PSD3: variants seen among roughly 807,000 people sequenced by gnomAD.
PSD3 encodes PH and SEC7 domain-containing protein 3.
PSD3 carries 49 observed loss-of-function variants against 105.5 expected under a neutral mutation model. The observed-to-expected ratio is 0.46, with a 90% CI of 0.37 to 0.59. The LOEUF (loss-of-function observed/expected upper bound fraction) is 0.59. PSD3 is among the 20% of genes least tolerant of loss of function. The pLI is 0.00. For missense variants in PSD3, 1,561 were observed against 1,263.8 expected, an observed-to-expected ratio of 1.24 and a Z score of -3.57; for synonymous variants, 557 against 457.8, an observed-to-expected ratio of 1.22 and a Z score of -2.77.
At chr8:18,951,035 T>C (rs1301691529) in intron 1 of PSD3, among the ~76,000 whole-genome samples, 1 of 152,204 alleles carries the variant, frequency 6.6e-6, no homozygotes, top group Non-Finnish European at 1.5e-5. Flanking sequence ...GACTCCTCCA[T>C]GTGATTCTTA....
At chr8:18,581,178 C>G (rs1202098461) in intron 12 of PSD3, among the ~76,000 whole-genome samples, 2 of 152,154 alleles carry the variant, frequency 1.3e-5, no homozygotes, top group African/African-American at 4.8e-5. Flanking sequence ...GATGGATCAT[C>G]AGAACCAACA....
intron 15 of PSD3, 80 bp from the exon 16 acceptor site, chr8:18,536,038 C>G (rs572318889): frequency 7.4e-7 from 1 of 1,353,726 alleles, no homozygotes; most frequent in South Asian, 1.2e-5. Context: ...GTATTACCCA[C>G]CTGGAGAGTG....
At chr8:18,683,381 A>G (rs1800489497) in intron 9 of PSD3, among the ~76,000 whole-genome samples, 1 of 152,228 alleles carries the variant, frequency 6.6e-6, no homozygotes. Flanking sequence ...GAACTAACTG[A>G]AAGATAAAAT....
intron 2 of PSD3, among the ~76,000 whole-genome samples, chr8:18,922,786 G>A (rs1253504190): frequency 6.6e-6 from 1 of 152,106 alleles, no homozygotes; most frequent in Non-Finnish European, 1.5e-5. Context: ...AGAACACAGG[G>A]AACCACTTAT....
chr8:18,640,044 A>G (rs566467298), intron 10 of PSD3, among the ~76,000 whole-genome samples: 1 of 152,310 alleles, frequency 6.6e-6, no homozygotes, highest in African/African-American at 2.4e-5. Flanking sequence ...CAGGATGAGT[A>G]GAAAGGTCTC....
intron 1 of PSD3, among the ~76,000 whole-genome samples, chr8:19,073,458 C>G (rs1829338619): frequency 7.0e-6 from 1 of 142,416 alleles, no homozygotes; most frequent in Non-Finnish European, 1.5e-5. Flanking sequence ...GGCTGAGGAA[C>G]AAGAATCGCT....
intron 9 of PSD3, among the ~76,000 whole-genome samples, chr8:18,763,259 A>T (rs1585880773): frequency 6.6e-6 from 1 of 152,358 alleles, no homozygotes; most frequent in East Asian, 1.9e-4. Context: ...CAGTTTCTAT[A>T]TATGATTATG....
At chr8:19,082,109 T>C (rs1052588144) in intron 1 of PSD3, among the ~76,000 whole-genome samples, 1 of 152,244 alleles carries the variant, frequency 6.6e-6, no homozygotes, top group Non-Finnish European at 1.5e-5. Context: ...CAAGTCTAGA[T>C]AGCACCTTAA....
intron 1 of PSD3, among the ~76,000 whole-genome samples, chr8:18,957,421 C>T (rs1363190533): frequency 1.3e-5 from 2 of 151,272 alleles, no homozygotes; most frequent in Non-Finnish European, 2.9e-5. Context: ...AGTGACTGTA[C>T]AATGTGAGCA....
At chr8:18,968,168 C>A (rs1221412141) in intron 1 of PSD3, among the ~76,000 whole-genome samples, 3 of 152,258 alleles carry the variant, frequency 2.0e-5, no homozygotes, top group Non-Finnish European at 4.4e-5. Context: ...AAACTGTGCA[C>A]CACTTCAGGG....
intron 2 of PSD3, among the ~76,000 whole-genome samples, chr8:18,913,086 A>AAACACACAC (rs1820350725): frequency 7.7e-6 from 1 of 130,464 alleles, no homozygotes; most frequent in Non-Finnish European, 1.6e-5. Flanking sequence ...CACACACACA[A>AAACACACAC]ACACACACAC....
At chr8:18,554,474 AG>A (rs1800950691) in intron 15 of PSD3, among the ~76,000 whole-genome samples, 1 of 152,188 alleles carries the variant, frequency 6.6e-6, no homozygotes, top group South Asian at 2.1e-4. Flanking sequence ...CAAAATAAAT[AG>A]TTCTCTTAGT....
intron 10 of PSD3, among the ~76,000 whole-genome samples, chr8:18,653,312 G>A (rs1343543896): frequency 6.6e-6 from 1 of 151,064 alleles, no homozygotes; most frequent in Admixed American, 6.6e-5. Context: ...TCTTGACAAT[G>A]TATAAAAATG....
intron 11 of PSD3, among the ~76,000 whole-genome samples, chr8:18,630,367 T>C (rs1442894135): frequency 6.6e-6 from 1 of 151,924 alleles, no homozygotes; most frequent in East Asian, 1.9e-4. Context: ...TATTCATATG[T>C]ATTAGGCCGC....
chr8:18,804,677 A>G (rs780199968), intron 5 of PSD3, 27 bp downstream of exon 5: 1 of 1,612,168 alleles, frequency 6.2e-7, no homozygotes, highest in Non-Finnish European at 8.5e-7. Flanking sequence ...GAGAGAATTC[A>G]GACTCCAGCA....
At chr8:18,983,523 C>T (rs996057919) in intron 1 of PSD3, among the ~76,000 whole-genome samples, 1 of 152,158 alleles carries the variant, frequency 6.6e-6, no homozygotes, top group African/African-American at 2.4e-5. Context: ...GTTCCTTCCA[C>T]GTGAACACTT....
intron 4 of PSD3, among the ~76,000 whole-genome samples, chr8:18,863,319 A>G (rs1455592371): frequency 6.6e-6 from 1 of 152,188 alleles, no homozygotes; most frequent in Admixed American, 6.5e-5. Flanking sequence ...AAAGGAACCC[A>G]TTGAAACGTG....
chr8:18,589,206 C>A (rs2717734), intron 12 of PSD3, among the ~76,000 whole-genome samples: 2 of 151,828 alleles, frequency 1.3e-5, no homozygotes, highest in Non-Finnish European at 2.9e-5. Context: ...TAGGACTCCA[C>A]AGGAAAACAA....
rs543906096 is a variant in PSD3, at chr8:18,699,500, T to A, written c.2173-43815A>T. ...TTTCTTGAGCTTATTTTCAGGTTGA[T>A]AACAATTCATAGAGTGTAGTGAAAA... On this transcript the variant is annotated intron_variant, in intron 9 of 15. Transcript: ENST00000327040. 4.4e-4 allele frequency among the ~76,000 whole-genome samples: 67 copies of A among 152,330 alleles called. No individual in the cohort carries two copies. The South Asian group carries it at 4.6e-3, about 10-fold the overall frequency.
Sources: allele counts gnomAD v4.1 joint callset (sites outside exome capture counted in the v4.1 genomes callset), GRCh38; gene constraint gnomAD v4.1.1; transcripts MANE v1.5; gene names NCBI Gene and HGNC (gene_info 2026-07-23, HGNC 2026-07-21).